The following OR4K17 variants were observed in gnomAD, a reference collection of about 807,000 sequenced individuals.
OR4K17 encodes olfactory receptor family 4 subfamily K member 17.
For synonymous variants in OR4K17, 157 were observed against 132.8 expected, an observed-to-expected ratio of 1.18 and a Z score of -1.25; for missense variants, 480 against 366.3, an observed-to-expected ratio of 1.31 and a Z score of -2.53.
intron 1 of OR4K17, among the ~76,000 whole-genome samples, chr14:20,116,753 C>A (rs992742932): frequency 6.6e-5 from 10 of 152,144 alleles, no homozygotes; most frequent in African/African-American, 2.4e-4. Context: ...GTTGCTTAAT[C>A]TCAGCCTCCT....
Position 20,118,384 on chromosome 14 carries a change from G to T in OR4K17, c.885G>T (p.Lys295Asn), listed in dbSNP as rs760419860. The T allele has an allele frequency of 2.5e-6, 4 of 1,606,996 alleles. No homozygotes were observed. Among genetic ancestry groups the T allele is most frequent in the South Asian group, 1.1e-5 (1 of 89,840 alleles). ...ATACTCTGAGAAACAAAGAAATGAAGATATCCATGAAAAAACTCTGGAGAG... is the reference window on the plus strand; with the variant it reads ...ATACTCTGAGAAACAAAGAAATGAATATATCCATGAAAAAACTCTGGAGAG... Reference protein sequence around the residue: ...IIYTLRNKEMKISMKKLWRAF... With the variant: ...IIYTLRNKEMNISMKKLWRAF... The change falls in exon 2 of 2, where the codon AAG becomes AAT. Residue 295 changes from lysine (K) to asparagine (N), a missense_variant. Physicochemically the swap from Lys to Asn is moderately conservative, Grantham distance 94. Coordinates refer to ENST00000641386, the MANE Select transcript of OR4K17 (RefSeq NM_001004715.5).
intron 1 of OR4K17, among the ~76,000 whole-genome samples, chr14:20,111,331 A>G (rs949641114): frequency 6.6e-6 from 1 of 152,044 alleles, no homozygotes; most frequent in African/African-American, 2.4e-5. Flanking sequence ...AGAATCATCG[A>G]CTGAGTCAGT....
rs1231261432 is a variant in OR4K17 at position 20,115,276 on chromosome 14, C to A, written c.-32-2192C>A. ...GAAGGAATATTTCCAGCATGAAGTT[C>A]TTTTGGGACTAGACACATCACCATA... On this transcript the variant is annotated intron_variant, in intron 1 of 1. Coordinates refer to ENST00000641386, the MANE Select transcript of OR4K17 (RefSeq NM_001004715.5). Among the ~76,000 whole-genome samples the A allele has an allele frequency of 2.0e-5, 3 of 152,136 alleles. No individual in the cohort carries two copies. The East Asian group carries it at 5.8e-4, about 29-fold the overall frequency.
Position 20,118,233 on chromosome 14 carries a change from C to G in OR4K17, c.734C>G (p.Thr245Arg). The change falls in exon 2 of 2, where the codon ACA becomes AGA. Residue 245 changes from threonine (T) to arginine (R), a missense_variant. Physicochemically the swap from Thr to Arg is moderately conservative, Grantham distance 71 (BLOSUM62 -1). Coordinates refer to ENST00000641386, the MANE Select transcript of OR4K17 (RefSeq NM_001004715.5). ...CGTTCCACTTTGACTGCTCACATCA[C>G]AGTGGTGATTCTCTTCTTTGGCCCA... is the stretch of plus-strand genomic sequence containing the variant. The part of the protein sequence containing the change: ...KARSTLTAHI[T>R]VVILFFGPCI... The G allele has an allele frequency of 6.2e-7, 1 of 1,613,462 alleles. No individual in the cohort carries two copies. The highest frequency in any genetic ancestry group is 8.5e-7 in the Non-Finnish European group (1 of 1,179,364).
At chr14:20,114,890 A>G (rs1482163423) in intron 1 of OR4K17, among the ~76,000 whole-genome samples, 1 of 152,122 alleles carries the variant, frequency 6.6e-6, no homozygotes, top group Admixed American at 6.6e-5. Flanking sequence ...TTATATATTT[A>G]CAAATAAATA....
At chr14:20,112,343 G>A (rs1877899861) in intron 1 of OR4K17, among the ~76,000 whole-genome samples, 1 of 152,036 alleles carries the variant, frequency 6.6e-6, no homozygotes, top group Non-Finnish European at 1.5e-5. Context: ...CAGGGAAGTA[G>A]ACTCCTCCTT....
chr14:20,118,332 T>C lies in OR4K17; in HGVS notation c.833T>C (p.Ile278Thr), dbSNP rs1878068630. Residue 278 changes from isoleucine to threonine, a missense_variant, in exon 2 of 2, where the codon ATC becomes ACC. By Grantham distance (89) the Ile-to-Thr change is moderately conservative. Coordinates refer to ENST00000641386, the MANE Select transcript of OR4K17 (RefSeq NM_001004715.5). ...TTCCTTGCTGTGTTTTATACCATCA[T>C]CACTCCTATCTTGAATCCAATTATC... The part of the protein sequence containing the change: ...DKFLAVFYTI[I>T]TPILNPIIYT... The C allele has an allele frequency of 1.9e-6, 3 of 1,612,396 alleles. No individual in the cohort carries two copies. The Admixed American group carries it at 5.0e-5, about 27-fold the overall frequency.
rs1215043581 is a variant in OR4K17 at position 20,118,159 on chromosome 14, G to T, written c.660G>T (p.Leu220=). The T allele has an allele frequency of 5.6e-6, 9 of 1,614,112 alleles. 1 individual carries two copies. The highest frequency in any genetic ancestry group is 7.6e-6 in the Non-Finnish European group (9 of 1,180,012). ...CFIILLISYS[L]ILITIKNHSP... is the part of the protein sequence containing the mutation. The stretch of plus-strand genomic sequence containing the variant: ...TTATTTTGCTTATCTCCTACAGTCT[G>T]ATCCTCATAACCATTAAGAACCACT... The change falls in exon 2 of 2, where the codon CTG becomes CTT. Residue 220 remains leucine, a synonymous_variant. Transcript: ENST00000641386.
At chr14:20,113,945 A>C (rs1165511176) in intron 1 of OR4K17, among the ~76,000 whole-genome samples, 2 of 152,000 alleles carry the variant, frequency 1.3e-5, no homozygotes, top group Non-Finnish European at 2.9e-5. Context: ...CCATTTGTGA[A>C]TATCCATTTG....
At position 20,118,493 on chromosome 14, in the gene OR4K17, C is replaced by G. The variant is rs771200002; in HGVS notation, c.*55C>G. ...TGGTGGCTGATGCCTGTAATCCCCACACTTTGGGAGGAATATCAGGGGAAC... is the reference window on the plus strand; with the variant it reads ...TGGTGGCTGATGCCTGTAATCCCCAGACTTTGGGAGGAATATCAGGGGAAC... On this transcript the variant is annotated 3_prime_UTR_variant, in exon 2 of 2. Coordinates refer to ENST00000641386, the MANE Select transcript of OR4K17 (RefSeq NM_001004715.5). 2 of 976,030 alleles carry G rather than the reference C, an allele frequency of 2.0e-6. No homozygotes were observed. The highest frequency in any genetic ancestry group is 1.5e-6 in the Non-Finnish European group (1 of 655,592). 60.5% of individuals were successfully genotyped at this position (976,030 alleles called of 1,614,324 possible). A position where few individuals can be genotyped will look rare whatever the true frequency, so the allele number is the denominator to read the frequency against.
intron 1 of OR4K17, among the ~76,000 whole-genome samples, chr14:20,113,114 A>C (rs1265583293): frequency 6.6e-6 from 1 of 152,058 alleles, no homozygotes; most frequent in Non-Finnish European, 1.5e-5. Flanking sequence ...GAAATATGGC[A>C]TTACAGCAAT....
chr14:20,116,995 T>C (rs1362046217), intron 1 of OR4K17, among the ~76,000 whole-genome samples: 2 of 152,158 alleles, frequency 1.3e-5, no homozygotes, highest in African/African-American at 4.8e-5. Context: ...TCAGAGTCCC[T>C]TCAAAACTCT....
intron 1 of OR4K17, among the ~76,000 whole-genome samples, chr14:20,113,145 G>A (rs778341348): frequency 3.3e-5 from 5 of 151,996 alleles, no homozygotes; most frequent in Non-Finnish European, 7.4e-5. Flanking sequence ...AAAAAATTAT[G>A]TTTTAATTAG....
chr14:20,111,780 C>T (rs1877888716), intron 1 of OR4K17: 2 of 152,024 alleles, frequency 1.3e-5, no homozygotes, highest in African/African-American at 4.8e-5. Flanking sequence ...CTGTCCTATA[C>T]ACCTGTTAAG....
Position 20,118,552 on chromosome 14 carries a change from A to G in OR4K17, c.*114A>G. 3 of 638,226 alleles carry G rather than the reference A, an allele frequency of 4.7e-6. No individual in the cohort carries two copies. Among genetic ancestry groups the G allele is most frequent in the Non-Finnish European group, 5.3e-6 (2 of 376,068 alleles). 39.5% of individuals were successfully genotyped at this position (638,226 alleles called of 1,614,324 possible). Reference sequence around the variant, plus strand: ...AATATTTCAACATAGGTTCTTTTCTATTTTCCCTAAGTGTTGACTGGTCTG... The same window carrying G: ...AATATTTCAACATAGGTTCTTTTCTGTTTTCCCTAAGTGTTGACTGGTCTG... On this transcript the variant is annotated 3_prime_UTR_variant, in exon 2 of 2. Transcript: ENST00000641386.
chr14:20,116,928 T>C (rs1878006402), intron 1 of OR4K17, among the ~76,000 whole-genome samples: 1 of 152,174 alleles, frequency 6.6e-6, no homozygotes, highest in African/African-American at 2.4e-5. Context: ...CACAGCAGTA[T>C]GCATTACTTG....
intron 1 of OR4K17, among the ~76,000 whole-genome samples, chr14:20,111,413 A>G (rs1877880775): frequency 1.3e-5 from 2 of 152,000 alleles, no homozygotes; most frequent in African/African-American, 2.4e-5. Context: ...TCAGAAAACA[A>G]GAGTATTCAT....
At position 20,118,522 on chromosome 14, in the gene OR4K17, C is replaced by A; in HGVS notation, c.*84C>A. On this transcript the variant is annotated 3_prime_UTR_variant, in exon 2 of 2. Coordinates refer to ENST00000641386, the MANE Select transcript of OR4K17 (RefSeq NM_001004715.5). ...TTGGGAGGAATATCAGGGGAACCAG[C>A]CCCCAATATTTCAACATAGGTTCTT... is the stretch of plus-strand genomic sequence containing the variant. The A allele has an allele frequency of 4.1e-6, 3 of 739,962 alleles. No homozygotes were observed. Among genetic ancestry groups the A allele is most frequent in the Non-Finnish European group, 6.6e-6 (3 of 455,626 alleles). 45.8% of individuals were successfully genotyped at this position (739,962 alleles called of 1,614,324 possible).
At position 20,117,919 on chromosome 14, in the gene OR4K17, A is replaced by T; in HGVS notation, c.420A>T (p.Val140=). 6.2e-7 allele frequency: 1 copy of T among 1,614,062 alleles called. No individual in the cohort carries two copies. The highest frequency in any genetic ancestry group is 8.5e-7 in the Non-Finnish European group (1 of 1,180,020). Residue 140 remains valine (V), a synonymous_variant, in exon 2 of 2, where the codon GTA becomes GTT. Coordinates refer to ENST00000641386, the MANE Select transcript of OR4K17 (RefSeq NM_001004715.5). ...LHYMTIMNKK[V]CVLLVVTSWL... ...ACATGACCATCATGAACAAGAAGGT[A>T]TGTGTTTTGCTTGTAGTGACCTCAT...
Sources: gnomAD v4.1 joint callset for allele counts (sites outside exome capture counted in the v4.1 genomes callset) on GRCh38, gnomAD v4.1.1 for gene constraint, MANE v1.5 for transcripts, NCBI Gene and HGNC (gene_info 2026-07-23, HGNC 2026-07-21) for gene names.